The following SND1 variants were observed in gnomAD, a reference collection of about 807,000 sequenced individuals.
SND1 encodes staphylococcal nuclease domain-containing protein 1.
A neutral mutation model predicts 121.7 loss-of-function variants in SND1; 38 were observed. The ratio of observed to expected loss-of-function variants is 0.31; its 90% CI spans 0.24 to 0.41. SND1 has a LOEUF of 0.41. Among genes scored for constraint, SND1 ranks in the 10% least tolerant of loss-of-function variants. The probability of loss-of-function intolerance (pLI) is 1.00; values close to 1 mark genes in which losing one functional copy is unlikely to be tolerated. For missense variants in SND1, 868 were observed against 1,184.6 expected, an observed-to-expected ratio of 0.73 and a Z score of 3.92; for synonymous variants, 401 against 447.4, an observed-to-expected ratio of 0.90 and a Z score of 1.31.
chr7:127,929,308 C>T lies in SND1; in HGVS notation c.1648C>T (p.Leu550Phe). Residue 550 changes from leucine (L) to phenylalanine (F), a missense_variant, in exon 15 of 24, where the codon CTT becomes TTT. This residue lies in a region of SND1 where 743 missense variants were observed against 1,071.3 expected (regional missense o/e 0.69). Coordinates refer to ENST00000354725, the MANE Select transcript of SND1 (RefSeq NM_014390.4). ...LKLYLPKETC[L>F]ITFLLAGIEC... The stretch of plus-strand genomic sequence containing the variant: ...ACTCTATTTGCCAAAGGAAACTTGC[C>T]TTATCACCTTCTTGCTTGCAGGTAA... 1 of 1,614,028 alleles carries T rather than the reference C, an allele frequency of 6.2e-7. No homozygotes were observed. The highest frequency in any genetic ancestry group is 8.5e-7 in the Non-Finnish European group (1 of 1,179,952).
At chr7:127,868,904 T>C (rs1272174245) in intron 12 of SND1, among the ~76,000 whole-genome samples, 1 of 152,134 alleles carries the variant, frequency 6.6e-6, no homozygotes, top group African/African-American at 2.4e-5. Context: ...CTGAGTTGAG[T>C]ACATGACGTT....
At chr7:127,935,301 T>C (rs1048261610) in intron 15 of SND1, among the ~76,000 whole-genome samples, 2 of 152,244 alleles carry the variant, frequency 1.3e-5, no homozygotes, top group Non-Finnish European at 2.9e-5. Context: ...TCTTGTGCGC[T>C]TTTAGAACTG....
chr7:127,669,095 C>T (rs1472916053), intron 1 of SND1, among the ~76,000 whole-genome samples: 5 of 152,088 alleles, frequency 3.3e-5, no homozygotes, highest in South Asian at 2.1e-4. Flanking sequence ...CAGGTTCAAG[C>T]GATTCTTCTG....
chr7:127,721,675 T>C (rs2116388435), intron 10 of SND1, among the ~76,000 whole-genome samples: 1 of 152,268 alleles, frequency 6.6e-6, no homozygotes, highest in African/African-American at 2.4e-5. Flanking sequence ...GGTTGGGATA[T>C]GTGAGATGGT....
chr7:127,998,146 A>G, intron 16 of SND1: 1 of 371,414 alleles, frequency 2.7e-6, no homozygotes, highest in Non-Finnish European at 5.5e-6. Context: ...TTGTGACCTA[A>G]TTCTAGAGAA....
intron 10 of SND1, among the ~76,000 whole-genome samples, chr7:127,792,082 A>G (rs1308457128): frequency 6.6e-6 from 1 of 152,240 alleles, no homozygotes; most frequent in Non-Finnish European, 1.5e-5. Context: ...TCCATGGATT[A>G]GACACATACT....
chr7:127,663,954 G>A (rs1795363964), intron 1 of SND1, among the ~76,000 whole-genome samples: 1 of 152,210 alleles, frequency 6.6e-6, no homozygotes, highest in Non-Finnish European at 1.5e-5. Context: ...AGAAGGTGGT[G>A]TGTGATATTG....
intron 1 of SND1, among the ~76,000 whole-genome samples, chr7:127,664,107 C>A (rs760623501): frequency 1.3e-5 from 2 of 152,206 alleles, no homozygotes; most frequent in Non-Finnish European, 2.9e-5. Flanking sequence ...CTCGCTGCAG[C>A]CTCAGCCTGC....
At chr7:127,690,304 A>G (rs1019379089) in intron 2 of SND1, among the ~76,000 whole-genome samples, 1 of 152,096 alleles carries the variant, frequency 6.6e-6, no homozygotes, top group Non-Finnish European at 1.5e-5. Context: ...TATGACTTTT[A>G]GACTTCTCTT....
At position 128,029,209 on chromosome 7, in the gene SND1, T is replaced by C. The variant is rs745984603; in HGVS notation, c.1779+38153T>C. 6 of 1,613,974 alleles carry C rather than the reference T, an allele frequency of 3.7e-6. No individual in the cohort carries two copies. The Admixed American group carries it at 8.3e-5, about 22-fold the overall frequency. Reference sequence around the variant, plus strand: ...GCCGGCTGGTAACCAGTGGACGTGGTAGGAACAGGCTTGTACTTTCGCGTT... The same window carrying C: ...GCCGGCTGGTAACCAGTGGACGTGGCAGGAACAGGCTTGTACTTTCGCGTT... On this transcript the variant is annotated intron_variant, in intron 16 of 23. Coordinates refer to ENST00000354725, the MANE Select transcript of SND1 (RefSeq NM_014390.4). This position sits in a 1 kb window ranked among gnomAD's most constrained non-coding sequence, Gnocchi z 4.2.
chr7:127,654,732 A>T (rs994204079), intron 1 of SND1, among the ~76,000 whole-genome samples: 2 of 152,186 alleles, frequency 1.3e-5, no homozygotes, highest in Admixed American at 6.5e-5. Context: ...CTGAGTATAG[A>T]TTGCACTGCC....
intron 9 of SND1, among the ~76,000 whole-genome samples, chr7:127,720,828 GCT>G (rs1325221653): frequency 6.6e-6 from 1 of 152,098 alleles, no homozygotes; most frequent in Non-Finnish European, 1.5e-5. Context: ...TGATTTTTCT[GCT>G]CTCTATTGGG....
chr7:128,091,910 G>A (rs778369270), intron 23 of SND1, 29 bp downstream of exon 23: 1 of 1,614,190 alleles, frequency 6.2e-7, no homozygotes, highest in Non-Finnish European at 8.5e-7. Context: ...AGCCCCCAGA[G>A]GGTACCGAGT....
chr7:127,884,474 A>G (rs1379544693), intron 12 of SND1, among the ~76,000 whole-genome samples: 1 of 152,140 alleles, frequency 6.6e-6, no homozygotes, highest in African/African-American at 2.4e-5. Flanking sequence ...CTCCCAGCCA[A>G]TAGCGGAGCG....
At chr7:127,939,266 G>C (rs1801131169) in intron 15 of SND1, among the ~76,000 whole-genome samples, 1 of 152,172 alleles carries the variant, frequency 6.6e-6, no homozygotes, top group South Asian at 2.1e-4. Context: ...CAGGTGGTCA[G>C]ATCAGAGGAG....
At chr7:128,046,356 T>G (rs542205930) in intron 16 of SND1, among the ~76,000 whole-genome samples, 25 of 149,068 alleles carry the variant, frequency 1.7e-4, no homozygotes, top group East Asian at 5.8e-4. Flanking sequence ...TTTTTTTGGT[T>G]GTTGTTGTGT....
intron 15 of SND1, among the ~76,000 whole-genome samples, chr7:127,936,831 A>G (rs1238661458): frequency 6.6e-6 from 1 of 152,170 alleles, no homozygotes; most frequent in Non-Finnish European, 1.5e-5. Flanking sequence ...ATAAGCATGA[A>G]CCATGACACA....
chr7:128,076,317 G>A lies in SND1; in HGVS notation c.1968+1627G>A, dbSNP rs184269055. Among the ~76,000 whole-genome samples, 9 of 152,318 alleles carry A rather than the reference G, an allele frequency of 5.9e-5. No individual in the cohort carries two copies. In the East Asian group the frequency reaches 7.7e-4, roughly 13 times the overall value. ...CATTTTGCTGGTGCCACTTGATGACGCTGAGGAGTAATTACCAGTGATTAA... is the reference window on the plus strand; with the variant it reads ...CATTTTGCTGGTGCCACTTGATGACACTGAGGAGTAATTACCAGTGATTAA... On this transcript the variant is annotated intron_variant, in intron 17 of 23. Coordinates refer to ENST00000354725, the MANE Select transcript of SND1 (RefSeq NM_014390.4).
At chr7:127,892,757 T>C (rs1800032960) in intron 13 of SND1, among the ~76,000 whole-genome samples, 1 of 152,116 alleles carries the variant, frequency 6.6e-6, no homozygotes, top group Non-Finnish European at 1.5e-5. Flanking sequence ...TGTCCCACAG[T>C]TCTGAGAGTT....
Sources: gnomAD v4.1 joint callset for allele counts (sites outside exome capture counted in the v4.1 genomes callset) on GRCh38, gnomAD v4.1.1 for gene constraint, gnomAD v4.1.1 regional missense constraint, Gnocchi (gnomAD v3.1) non-coding constraint, MANE v1.5 for transcripts, NCBI Gene and HGNC (gene_info 2026-07-23, HGNC 2026-07-21) for gene names.